FAXC: variants seen among roughly 807,000 people sequenced by gnomAD.
The protein encoded by FAXC is failed axon connections homolog.
A neutral mutation model predicts 41.9 loss-of-function variants in FAXC; 10 were observed. The observed-to-expected ratio is 0.24, with a 90% confidence interval of 0.15 to 0.41. The LOEUF is 0.41. FAXC is among the 10% of genes least tolerant of loss of function. The pLI is 1.00. For synonymous variants in FAXC, 183 were observed against 183.8 expected (o/e 1.00, Z 0.03); for missense variants, 399 against 510.9 (o/e 0.78, Z 2.11).
chr6:99,306,124 G>C (rs1226046866), intron 4 of FAXC, among the ~76,000 whole-genome samples: 1 of 152,036 alleles, frequency 6.6e-6, no homozygotes, highest in African/African-American at 2.4e-5. Context: ...ATGTCAAGCA[G>C]GATCGAGCAG....
intron 4 of FAXC, among the ~76,000 whole-genome samples, chr6:99,321,946 C>T (rs77178394): frequency 0.015 from 2,221 of 152,164 alleles, 56 homozygotes; most frequent in African/African-American, 0.05. Flanking sequence ...CAGCATGAGC[C>T]GGTGAGGAAG....
intron 4 of FAXC, among the ~76,000 whole-genome samples, chr6:99,298,933 A>C (rs1428382305): frequency 6.6e-6 from 1 of 152,078 alleles, no homozygotes; most frequent in Non-Finnish European, 1.5e-5. Context: ...CCCCAACCCC[A>C]ACCCTGCTGA....
intron 4 of FAXC, among the ~76,000 whole-genome samples, chr6:99,317,039 TG>T (rs1337124825): frequency 6.6e-6 from 1 of 152,234 alleles, no homozygotes; most frequent in Non-Finnish European, 1.5e-5. Context: ...CTTAAAAATG[TG>T]TTGATCCAAT....
At chr6:99,290,723 T>C (rs752276919) in intron 5 of FAXC, among the ~76,000 whole-genome samples, 44 of 151,384 alleles carry the variant, frequency 2.9e-4, no homozygotes, top group Admixed American at 4.6e-4. Context: ...ATAATAATAA[T>C]AATAATACTT....
intron 4 of FAXC, among the ~76,000 whole-genome samples, chr6:99,295,517 G>A (rs966536203): frequency 1.3e-5 from 2 of 152,144 alleles, no homozygotes; most frequent in Admixed American, 6.5e-5. Context: ...CCTGAGTAAC[G>A]ACGACAGATT....
intron 1 of FAXC, among the ~76,000 whole-genome samples, chr6:99,343,597 G>A (rs1246899556): frequency 6.6e-6 from 1 of 152,180 alleles, no homozygotes; most frequent in Admixed American, 6.5e-5. Context: ...GGCAGAATGG[G>A]CACTCAACCA....
intron 2 of FAXC, among the ~76,000 whole-genome samples, chr6:99,337,068 C>T (rs1773242958): frequency 6.6e-6 from 1 of 152,152 alleles, no homozygotes; most frequent in Non-Finnish European, 1.5e-5. Flanking sequence ...TTTGGAGCTG[C>T]ATGTTGAAGT....
At chr6:99,315,214 C>T (rs1197857344) in intron 4 of FAXC, among the ~76,000 whole-genome samples, 1 of 117,936 alleles carries the variant, frequency 8.5e-6, no homozygotes, top group African/African-American at 3.3e-5. Context: ...GCCTGGGCAA[C>T]TGAGCAACAC....
rs536971639 is a variant in FAXC, at chr6:99,282,916, A to G, written c.941-1463T>C. On this transcript the variant is annotated intron_variant, in intron 5 of 5. Transcript: ENST00000389677. Reference sequence around the variant, plus strand: ...TACATATACATTTACATATATTTACATGTGCTATATAGGATTTACTATATA... The same window carrying G: ...TACATATACATTTACATATATTTACGTGTGCTATATAGGATTTACTATATA... Among the ~76,000 whole-genome samples the G allele has an allele frequency of 3.3e-5, 5 of 152,342 alleles. No homozygotes were observed. The South Asian group carries it at 8.3e-4, about 25-fold the overall frequency.
At chr6:99,290,101 C>CCACACACACACACA (rs34319104) in intron 5 of FAXC, among the ~76,000 whole-genome samples, 3,113 of 142,470 alleles carry the variant, frequency 0.022, 127 homozygotes, top group African/African-American at 0.072. Flanking sequence ...CCCTACCCCA[C>CCACACACACACACA]CACACACACA....
rs137960594 is a variant in FAXC at position 99,318,655 on chromosome 6, A to G, written c.823+4789T>C. On this transcript the variant is annotated intron_variant, in intron 4 of 5. Transcript: ENST00000389677. ...AGTGACAGTGATTATGAGAATAACT[A>G]TTTATTTAGCACTTCCTATGGGTCA... Among the ~76,000 whole-genome samples, 412 of 152,328 alleles carry G rather than the reference A, an allele frequency of 2.7e-3. 2 individuals carry two copies. Among genetic ancestry groups the G allele is most frequent in the Middle Eastern group, 6.8e-3 (2 of 294 alleles).
chr6:99,306,211 G>A (rs1771914827), intron 4 of FAXC, among the ~76,000 whole-genome samples: 1 of 152,196 alleles, frequency 6.6e-6, no homozygotes, highest in Admixed American at 6.5e-5. Flanking sequence ...TAAGCTTGGA[G>A]TGTCTGTGAG....
intron 5 of FAXC, among the ~76,000 whole-genome samples, chr6:99,281,978 A>G (rs909079119): frequency 1.3e-5 from 2 of 152,200 alleles, no homozygotes; most frequent in African/African-American, 4.8e-5. Context: ...TTTTCCATAG[A>G]GATACTGTGA....
intron 4 of FAXC, among the ~76,000 whole-genome samples, chr6:99,310,809 T>G (rs1262970188): frequency 1.3e-5 from 2 of 152,224 alleles, no homozygotes; most frequent in Non-Finnish European, 2.9e-5. Context: ...TTCTGAAGGC[T>G]TTTCCCATTC....
Position 99,274,859 on chromosome 6 carries a change from T to C in FAXC, c.*6305A>G, listed in dbSNP as rs1189365284. ...AAGAGAAGCAAATACGAAAGAACAT[T>C]TCTGATTCTGAACAATGGAAGAGGA... On this transcript the variant is annotated 3_prime_UTR_variant, in exon 6 of 6. Transcript: ENST00000389677. The C allele has an allele frequency of 6.6e-6, 1 of 152,222 alleles. No homozygotes were observed. Among genetic ancestry groups the C allele is most frequent in the African/African-American group, 2.4e-5 (1 of 41,460 alleles). The allele number at this position is 152,222 out of a possible 1,614,324, so 9.4% of individuals were successfully genotyped here. A position where few individuals can be genotyped will look rare whatever the true frequency, so the allele number is the denominator to read the frequency against.
chr6:99,276,589 T>C lies in FAXC; in HGVS notation c.*4575A>G, dbSNP rs923158835. The C allele has an allele frequency of 2.0e-5, 3 of 152,198 alleles. No individual in the cohort carries two copies. The highest frequency in any genetic ancestry group is 1.3e-4 in the Admixed American group (2 of 15,276). 9.4% of individuals were successfully genotyped at this position (152,198 alleles called of 1,614,324 possible). A position where few individuals can be genotyped will look rare whatever the true frequency, so the allele number is the denominator to read the frequency against. On this transcript the variant is annotated 3_prime_UTR_variant, in exon 6 of 6. Coordinates refer to ENST00000389677, the MANE Select transcript of FAXC (RefSeq NM_032511.4). ...CTCAAGACATACTGAACATGGATAA[T>C]AGAGATTACTTTTGCTTGCATAGCC... is the stretch of plus-strand genomic sequence containing the variant.
At chr6:99,312,962 G>C (rs1772203585) in intron 4 of FAXC, among the ~76,000 whole-genome samples, 1 of 152,176 alleles carries the variant, frequency 6.6e-6, no homozygotes, top group Admixed American at 6.5e-5. Context: ...GATTGACAGA[G>C]AAGTGCCTCA....
intron 4 of FAXC, among the ~76,000 whole-genome samples, chr6:99,297,596 T>C (rs1222989336): frequency 2.0e-5 from 3 of 152,140 alleles, no homozygotes; most frequent in Non-Finnish European, 4.4e-5. Context: ...CTCACAATCC[T>C]AGGCTGTTTG....
In FAXC at chr6:99,277,229, C is replaced by T. The variant is rs1173378314; in HGVS notation, c.*3935G>A. On this transcript the variant is annotated 3_prime_UTR_variant, in exon 6 of 6. Coordinates refer to ENST00000389677, the MANE Select transcript of FAXC (RefSeq NM_032511.4). ...AAAACACCAGACCCTAAGGAGTAGCCCCTCACCCTGAGGCAATGCCACACC... is the reference window on the plus strand; with the variant it reads ...AAAACACCAGACCCTAAGGAGTAGCTCCTCACCCTGAGGCAATGCCACACC... The T allele has an allele frequency of 6.6e-6, 1 of 152,368 alleles. No homozygotes were observed. The highest frequency in any genetic ancestry group is 1.5e-5 in the Non-Finnish European group (1 of 68,202). The allele number at this position is 152,368 out of a possible 1,614,324, so 9.4% of individuals were successfully genotyped here. A position where few individuals can be genotyped will look rare whatever the true frequency, so the allele number is the denominator to read the frequency against.
Sources: allele counts gnomAD v4.1 joint callset (sites outside exome capture counted in the v4.1 genomes callset), GRCh38; gene constraint gnomAD v4.1.1; transcripts MANE v1.5; gene names NCBI Gene and HGNC (gene_info 2026-07-23, HGNC 2026-07-21).